Variants in KIF26B observed in about 807,000 individuals in gnomAD.
KIF26B encodes kinesin-like protein KIF26B.
Under a neutral mutation model 151.2 loss-of-function variants are expected in KIF26B, and 63 were observed. The observed-to-expected ratio is 0.42, with a 90% CI of 0.34 to 0.51. The LOEUF is 0.51. Ranked by LOEUF, KIF26B falls within the 20% of genes least tolerant of loss-of-function variation. KIF26B has a pLI of 0.07. For missense variants in KIF26B, 2,813 were observed against 2,913.6 expected (o/e 0.97, Z 0.79); for synonymous variants, 1,357 against 1,262.1 (o/e 1.08, Z -1.59).
intron 9 of KIF26B, among the ~76,000 whole-genome samples, chr1:245,638,360 CA>C (rs560105709): frequency 1.7e-3 from 251 of 151,970 alleles, no homozygotes; most frequent in Non-Finnish European, 3.1e-3. Flanking sequence ...ACTCATTTAT[CA>C]GTTCTAAAAG....
At chr1:245,569,782 AC>A (rs1159523827) in intron 5 of KIF26B, among the ~76,000 whole-genome samples, 3 of 151,124 alleles carry the variant, frequency 2.0e-5, no homozygotes, top group Non-Finnish European at 4.4e-5. Flanking sequence ...ACAGAGTGAG[AC>A]CCTGTCTCAA....
intron 4 of KIF26B, among the ~76,000 whole-genome samples, chr1:245,442,105 A>G (rs1361699094): frequency 6.6e-6 from 1 of 152,210 alleles, no homozygotes; most frequent in African/African-American, 2.4e-5. Flanking sequence ...GACAACTATG[A>G]GGTCAGTATT....
Position 245,290,919 on chromosome 1 carries a change from C to T in KIF26B, c.466-75915C>T, listed in dbSNP as rs553038525. ...AGCAGTTTAGGCTGGCCCAGCTGGT[C>T]AGTGCTGGTTTCAGCTGGGCTCCCT... is the stretch of plus-strand genomic sequence containing the variant. On this transcript the variant is annotated intron_variant, in intron 2 of 14. Transcript: ENST00000407071. Among the ~76,000 whole-genome samples, 12 of 152,358 alleles carry T rather than the reference C, an allele frequency of 7.9e-5. No homozygotes were observed. In the East Asian group the frequency reaches 2.3e-3, roughly 29 times the overall value.
chr1:245,377,763 C>T lies in KIF26B; in HGVS notation c.999+10396C>T, dbSNP rs529736904. On this transcript the variant is annotated intron_variant, in intron 3 of 14. Coordinates refer to ENST00000407071, the MANE Select transcript of KIF26B (RefSeq NM_018012.4). The stretch of plus-strand genomic sequence containing the variant: ...GAAGAAGGAGCAGGTGCAGCATCCA[C>T]GGCTGGTCAGCAGTGGAGGATTCTC... Among the ~76,000 whole-genome samples, 11 of 152,192 alleles carry T rather than the reference C, an allele frequency of 7.2e-5. No homozygotes were observed. In the South Asian group the frequency reaches 1.7e-3, roughly 23 times the overall value.
At chr1:245,270,356 C>G (rs1009454297) in intron 2 of KIF26B, among the ~76,000 whole-genome samples, 2 of 145,660 alleles carry the variant, frequency 1.4e-5, no homozygotes, top group Non-Finnish European at 3.0e-5. Context: ...TCCTCCTTCC[C>G]TTCCCTTCCC....
chr1:245,437,414 C>T (rs10924198), intron 4 of KIF26B, among the ~76,000 whole-genome samples: 59,213 of 152,178 alleles, frequency 0.39, 13,412 homozygotes, highest in East Asian at 0.59. Flanking sequence ...TTAGCTTTCA[C>T]ACTAAAGATA....
intron 12 of KIF26B, among the ~76,000 whole-genome samples, chr1:245,695,310 C>G (rs1403581172): frequency 6.6e-6 from 1 of 152,152 alleles, no homozygotes; most frequent in Non-Finnish European, 1.5e-5. Context: ...CCCTGAACTC[C>G]CTTCAGGCCA....
At chr1:245,189,678 C>T (rs1451452159) in intron 2 of KIF26B, among the ~76,000 whole-genome samples, 1 of 151,986 alleles carries the variant, frequency 6.6e-6, no homozygotes, top group Non-Finnish European at 1.5e-5. Flanking sequence ...CTTGCGCCTT[C>T]TCTGTGGCAG....
At chr1:245,674,796 G>A (rs779071436) in intron 10 of KIF26B, among the ~76,000 whole-genome samples, 14 of 152,166 alleles carry the variant, frequency 9.2e-5, no homozygotes, top group Non-Finnish European at 2.1e-4. Flanking sequence ...AGGTTCTTAG[G>A]ATCTTATTGA....
intron 2 of KIF26B, among the ~76,000 whole-genome samples, chr1:245,158,601 G>C (rs1668484018): frequency 6.6e-6 from 1 of 152,200 alleles, no homozygotes; most frequent in Non-Finnish European, 1.5e-5. Flanking sequence ...GAGAAGACCT[G>C]GCAGTCATGG....
At chr1:245,416,686 G>T (rs1674428115) in intron 3 of KIF26B, among the ~76,000 whole-genome samples, 1 of 152,202 alleles carries the variant, frequency 6.6e-6, no homozygotes, top group Admixed American at 6.5e-5. Context: ...TGCAGGAAAA[G>T]TGGGAGCATT....
chr1:245,216,548 T>G (rs6674280), intron 2 of KIF26B, among the ~76,000 whole-genome samples: 3,162 of 152,344 alleles, frequency 0.021, 122 homozygotes, highest in African/African-American at 0.072. Context: ...ACTTGTTTAT[T>G]AAGATGAACT....
At chr1:245,565,275 T>G (rs1358503656) in intron 5 of KIF26B, among the ~76,000 whole-genome samples, 1 of 150,080 alleles carries the variant, frequency 6.7e-6, no homozygotes, top group Non-Finnish European at 1.5e-5. Context: ...TATTCTGTTG[T>G]TTTTTTTGGG....
intron 5 of KIF26B, among the ~76,000 whole-genome samples, chr1:245,552,112 G>A (rs1661896325): frequency 7.0e-6 from 1 of 141,942 alleles, no homozygotes; most frequent in Non-Finnish European, 1.6e-5. Flanking sequence ...CAGAGAAACA[G>A]AACCAGCAGG....
chr1:245,596,352 T>C (rs1382442698), intron 5 of KIF26B, among the ~76,000 whole-genome samples: 1 of 152,210 alleles, frequency 6.6e-6, no homozygotes, highest in Non-Finnish European at 1.5e-5. Context: ...GATTCTGGTA[T>C]GTTGTGTCTT....
intron 2 of KIF26B, among the ~76,000 whole-genome samples, chr1:245,158,833 A>G (rs1029028432): frequency 7.4e-5 from 8 of 108,498 alleles, no homozygotes; most frequent in African/African-American, 2.8e-4. Flanking sequence ...CTTTGTGAAT[A>G]ATAATTGTGT....
intron 2 of KIF26B, among the ~76,000 whole-genome samples, chr1:245,272,085 T>A (rs1290334699): frequency 1.3e-5 from 2 of 152,258 alleles, no homozygotes; most frequent in South Asian, 4.1e-4. Context: ...TGGTAGTTTG[T>A]ATATCTCTAG....
At chr1:245,197,119 A>C (rs1399500665) in intron 2 of KIF26B, among the ~76,000 whole-genome samples, 1 of 152,214 alleles carries the variant, frequency 6.6e-6, no homozygotes. Flanking sequence ...TTATTTGCCC[A>C]CAGTAGGCCC....
At chr1:245,674,962 CAA>C (rs2044340533) in intron 10 of KIF26B, among the ~76,000 whole-genome samples, 2 of 152,152 alleles carry the variant, frequency 1.3e-5, no homozygotes, top group South Asian at 4.1e-4. Flanking sequence ...TCACGTGTGA[CAA>C]CTGCATGTTT....
Sources: allele counts gnomAD v4.1 joint callset (sites outside exome capture counted in the v4.1 genomes callset), GRCh38; gene constraint gnomAD v4.1.1; transcripts MANE v1.5; gene names NCBI Gene and HGNC (gene_info 2026-07-23, HGNC 2026-07-21).